The following NXPH1 variants were observed in gnomAD, a reference collection of about 807,000 sequenced individuals.
NXPH1 encodes the protein neurexophilin 1, also known as neurexophilin-1.
A neutral mutation model predicts 23.7 loss-of-function variants in NXPH1; 5 were observed. The ratio of observed to expected loss-of-function variants is 0.21; its 90% CI spans 0.11 to 0.44. The LOEUF is 0.44. Among genes scored for constraint, NXPH1 ranks in the 20% least tolerant of loss-of-function variants. The pLI is 0.99. For missense variants in NXPH1, 324 were observed against 321.6 expected, an observed-to-expected ratio of 1.01 and a Z score of -0.06; for synonymous variants, 144 against 122.2, an observed-to-expected ratio of 1.18 and a Z score of -1.18.
chr7:8,534,585 T>C (rs572798318), intron 2 of NXPH1, among the ~76,000 whole-genome samples: 10 of 151,974 alleles, frequency 6.6e-5, no homozygotes, highest in African/African-American at 1.9e-4. Flanking sequence ...AGAGATGTTA[T>C]TGTAAGTTCC....
At chr7:8,724,154 GT>G (rs1780012569) in intron 2 of NXPH1, among the ~76,000 whole-genome samples, 1 of 152,108 alleles carries the variant, frequency 6.6e-6, no homozygotes, top group Admixed American at 6.6e-5. Flanking sequence ...CACAGAATAG[GT>G]GGTTCCCACA....
intron 2 of NXPH1, among the ~76,000 whole-genome samples, chr7:8,626,217 G>A (rs972679058): frequency 6.6e-6 from 1 of 151,936 alleles, no homozygotes; most frequent in African/African-American, 2.4e-5. Context: ...TTTTAATAAG[G>A]AAAGTGCTGG....
At chr7:8,561,857 T>C (rs1012753721) in intron 2 of NXPH1, among the ~76,000 whole-genome samples, 6 of 151,488 alleles carry the variant, frequency 4.0e-5, no homozygotes, top group Non-Finnish European at 5.9e-5. Context: ...ATGGGGAAAA[T>C]GTTGCTGAGA....
At chr7:8,463,591 A>G (rs1253176134) in intron 2 of NXPH1, among the ~76,000 whole-genome samples, 1 of 152,002 alleles carries the variant, frequency 6.6e-6, no homozygotes, top group African/African-American at 2.4e-5. Flanking sequence ...GCTGTTTTTC[A>G]TATCCTTTCC....
At chr7:8,681,405 C>A (rs1420772056) in intron 2 of NXPH1, among the ~76,000 whole-genome samples, 1 of 152,038 alleles carries the variant, frequency 6.6e-6, no homozygotes, top group Non-Finnish European at 1.5e-5. Flanking sequence ...TTGTAGACAC[C>A]AAAGGGACCT....
chr7:8,573,549 C>T (rs1227468936), intron 2 of NXPH1, among the ~76,000 whole-genome samples: 2 of 152,066 alleles, frequency 1.3e-5, no homozygotes, highest in Non-Finnish European at 2.9e-5. Flanking sequence ...TATTTTGGAG[C>T]ATAATGCATG....
chr7:8,519,075 T>C (rs1817730043), intron 2 of NXPH1, among the ~76,000 whole-genome samples: 2 of 152,188 alleles, frequency 1.3e-5, no homozygotes, highest in Non-Finnish European at 2.9e-5. Context: ...TCCATTACCC[T>C]TTCCTTTGTT....
chr7:8,697,910 C>T (rs1009317811), intron 2 of NXPH1, among the ~76,000 whole-genome samples: 1 of 152,130 alleles, frequency 6.6e-6, no homozygotes, highest in Non-Finnish European at 1.5e-5. Flanking sequence ...GAGATGACTC[C>T]TATAGGCAGG....
At chr7:8,690,112 T>A (rs565419045) in intron 2 of NXPH1, among the ~76,000 whole-genome samples, 114 of 152,334 alleles carry the variant, frequency 7.5e-4, no homozygotes, top group Non-Finnish European at 5.7e-4. Flanking sequence ...AATAAAGCAA[T>A]CTAGACTCAT....
chr7:8,582,436 T>C (rs1818897604), intron 2 of NXPH1, among the ~76,000 whole-genome samples: 1 of 152,158 alleles, frequency 6.6e-6, no homozygotes, highest in African/African-American at 2.4e-5. Flanking sequence ...GGAGCTTCAC[T>C]GAGTGATAGA....
intron 2 of NXPH1, among the ~76,000 whole-genome samples, chr7:8,620,649 G>C (rs1332607456): frequency 6.6e-6 from 1 of 152,188 alleles, no homozygotes; most frequent in African/African-American, 2.4e-5. Context: ...GAGCCCCGCT[G>C]ATACCATTTG....
intron 2 of NXPH1, among the ~76,000 whole-genome samples, chr7:8,680,301 C>T (rs1821031146): frequency 6.6e-6 from 1 of 152,158 alleles, no homozygotes; most frequent in African/African-American, 2.4e-5. Context: ...TAGTTTGTTT[C>T]AGATGGAAGG....
At chr7:8,743,650 G>C (rs964756607) in intron 2 of NXPH1, among the ~76,000 whole-genome samples, 1 of 151,850 alleles carries the variant, frequency 6.6e-6, no homozygotes, top group African/African-American at 2.4e-5. Flanking sequence ...TGTATAGGAG[G>C]AGCTAGAGCA....
chr7:8,563,440 T>C (rs1818483011), intron 2 of NXPH1, among the ~76,000 whole-genome samples: 1 of 151,750 alleles, frequency 6.6e-6, no homozygotes, highest in East Asian at 1.9e-4. Context: ...GCAACAAAAT[T>C]GGTGTATTCC....
intron 2 of NXPH1, among the ~76,000 whole-genome samples, chr7:8,658,716 T>C (rs889983147): frequency 1.3e-5 from 2 of 152,166 alleles, no homozygotes; most frequent in East Asian, 3.8e-4. Flanking sequence ...TATTTTATAG[T>C]GTTACGTATC....
intron 2 of NXPH1, among the ~76,000 whole-genome samples, chr7:8,464,226 T>G (rs778372416): frequency 6.6e-6 from 1 of 152,162 alleles, no homozygotes; most frequent in Non-Finnish European, 1.5e-5. Context: ...CTAGACATCT[T>G]TATATCCCCC....
chr7:8,676,334 T>C (rs1409752725), intron 2 of NXPH1, among the ~76,000 whole-genome samples: 5 of 152,200 alleles, frequency 3.3e-5, no homozygotes, highest in Non-Finnish European at 7.4e-5. Context: ...TGCTCTGTAC[T>C]TTAGTTGGCT....
chr7:8,491,795 A>G lies in NXPH1; in HGVS notation c.54+56028A>G, dbSNP rs185367588. On this transcript the variant is annotated intron_variant, in intron 2 of 2. Coordinates refer to ENST00000405863, the MANE Select transcript of NXPH1 (RefSeq NM_152745.3). ...TATCTACATTCATTTTCCAAGAAAC[A>G]TGAATTGATCACATTCAGCATGCCA... Among the ~76,000 whole-genome samples the G allele has an allele frequency of 4.3e-3, 654 of 152,220 alleles. 2 individuals carry two copies. Among genetic ancestry groups the G allele is most frequent in the African/African-American group, 0.014 (592 of 41,570 alleles).
At chr7:8,652,118 C>T (rs1820500540) in intron 2 of NXPH1, among the ~76,000 whole-genome samples, 1 of 152,122 alleles carries the variant, frequency 6.6e-6, no homozygotes, top group Non-Finnish European at 1.5e-5. Flanking sequence ...CACCTAGCTT[C>T]AATCTCAACC....
Sources: allele counts gnomAD v4.1 joint callset (sites outside exome capture counted in the v4.1 genomes callset), GRCh38; gene constraint gnomAD v4.1.1; transcripts MANE v1.5; gene names NCBI Gene and HGNC (gene_info 2026-07-23, HGNC 2026-07-21).